OPHN1: variants seen among roughly 807,000 people sequenced by gnomAD.
OPHN1 encodes the protein oligophrenin-1.
A neutral mutation model predicts 60.7 loss-of-function variants in OPHN1; 11 were observed. The observed-to-expected ratio is 0.18, with a 90% CI of 0.11 to 0.30. The LOEUF (loss-of-function observed/expected upper bound fraction) is 0.30. OPHN1 is among the 10% of genes least tolerant of loss of function. OPHN1 has a pLI of 1.00. For missense variants in OPHN1, 449 were observed against 611.0 expected, an observed-to-expected ratio of 0.73 and a Z score of 2.80; for synonymous variants, 226 against 222.6, an observed-to-expected ratio of 1.02 and a Z score of -0.14.
chrX:68,145,788 C>T (rs1240041447), intron 15 of OPHN1, among the ~76,000 whole-genome samples: 3 of 112,096 alleles, frequency 2.7e-5, no homozygotes, highest in Non-Finnish European at 3.8e-5. Flanking sequence ...CCTTCTACAG[C>T]TCACTTTGTT....
chrX:68,045,579 C>T lies in OPHN1; in HGVS notation c.*1593G>A, dbSNP rs1337636755. On this transcript the variant is annotated 3_prime_UTR_variant, in exon 25 of 25. Coordinates refer to ENST00000355520, the MANE Select transcript of OPHN1 (RefSeq NM_002547.3). ...CAACATTATAATTATACAGACGCTACAGACAAGCTACGGCCCAGGCATCTG... is the reference window on the plus strand; with the variant it reads ...CAACATTATAATTATACAGACGCTATAGACAAGCTACGGCCCAGGCATCTG... 3 of 111,939 alleles carry T rather than the reference C, an allele frequency of 2.7e-5. No homozygotes were observed. Among genetic ancestry groups the T allele is most frequent in the Non-Finnish European group, 3.8e-5 (2 of 53,235 alleles). The allele number at this position is 111,939 out of a possible 1,213,427, so 9.2% of individuals were successfully genotyped here. A position where few individuals can be genotyped will look rare whatever the true frequency, so the allele number is the denominator to read the frequency against.
intron 2 of OPHN1, among the ~76,000 whole-genome samples, chrX:68,427,536 G>T (rs2078866049): frequency 9.2e-6 from 1 of 108,844 alleles, no homozygotes; most frequent in South Asian, 4.0e-4. Flanking sequence ...GGGTCCCAGT[G>T]AAATCGCTTA....
At chrX:68,313,361 T>C in intron 2 of OPHN1, among the ~76,000 whole-genome samples, 1 of 111,680 alleles carries the variant, frequency 9.0e-6, no homozygotes, top group Non-Finnish European at 1.9e-5. Flanking sequence ...CGAATAGATA[T>C]CTACACTCCC....
At chrX:68,200,212 A>G (rs2077529125) in intron 11 of OPHN1, among the ~76,000 whole-genome samples, 1 of 111,567 alleles carries the variant, frequency 9.0e-6, no homozygotes, top group African/African-American at 3.3e-5. Context: ...TAAATGAGGG[A>G]ATGTTTTGTA....
chrX:68,129,834 G>A (rs755892688), intron 15 of OPHN1, among the ~76,000 whole-genome samples: 16 of 112,244 alleles, frequency 1.4e-4, no homozygotes, highest in Non-Finnish European at 2.8e-4. Context: ...GGAAAAACAA[G>A]TGACTAACAG....
chrX:68,147,699 AATG>A (rs1361569185), intron 15 of OPHN1, among the ~76,000 whole-genome samples: 5 of 112,130 alleles, frequency 4.5e-5, no homozygotes, highest in Non-Finnish European at 9.4e-5. Context: ...TGTTACTATG[AATG>A]ATGATAATAA....
chrX:68,070,480 A>T lies in OPHN1; in HGVS notation c.1834+2672T>A, dbSNP rs2076929099. 5.1e-6 allele frequency: 3 copies of T among 585,979 alleles called. No individual in the cohort carries two copies. In the Admixed American group the frequency reaches 6.7e-5, roughly 13 times the overall value. The allele number at this position is 585,979 out of a possible 1,213,427, so 48.3% of individuals were successfully genotyped here. ...TGGAGATGCAGAAAATGCTAAGTTG[A>T]CTTAGGGGCTGTGCACAGGAACTAA... On this transcript the variant is annotated intron_variant, in intron 20 of 24. Coordinates refer to ENST00000355520, the MANE Select transcript of OPHN1 (RefSeq NM_002547.3).
intron 15 of OPHN1, among the ~76,000 whole-genome samples, chrX:68,191,868 G>T (rs1377734964): frequency 9.0e-6 from 1 of 111,190 alleles, no homozygotes; most frequent in Non-Finnish European, 1.9e-5. Context: ...CTTTATATCT[G>T]GCCCAACAAA....
At chrX:68,321,356 C>A (rs773400222) in intron 2 of OPHN1, among the ~76,000 whole-genome samples, 23 of 112,120 alleles carry the variant, frequency 2.1e-4, no homozygotes, top group African/African-American at 7.4e-4. Context: ...TTTGCAATAT[C>A]ACAAGTCCCT....
In OPHN1 at chrX:68,206,795, C is replaced by A. The variant is rs371160445; in HGVS notation, c.833-122G>T. The A allele has an allele frequency of 3.4e-4, 192 of 563,796 alleles. 5 individuals carry two copies. Among genetic ancestry groups the A allele is most frequent in the East Asian group, 3.2e-3 (94 of 29,288 alleles). 46.5% of individuals were successfully genotyped at this position (563,796 alleles called of 1,213,427 possible). A position where few individuals can be genotyped will look rare whatever the true frequency, so the allele number is the denominator to read the frequency against. ...AGTCAAACTTCAGATCCAGCCCTGC[C>A]CTTGCCCTGACCGCCCTCCTTCCAT... On this transcript the variant is annotated intron_variant, in intron 9 of 24. Transcript: ENST00000355520.
At chrX:68,320,952 G>T (rs2078232575) in intron 2 of OPHN1, among the ~76,000 whole-genome samples, 1 of 112,045 alleles carries the variant, frequency 8.9e-6, no homozygotes, top group South Asian at 3.7e-4. Flanking sequence ...ATAGAGCAAG[G>T]CATGTGGAAA....
At chrX:68,195,011 G>A (rs58436588) in intron 12 of OPHN1, among the ~76,000 whole-genome samples, 1,600 of 52,279 alleles carry the variant, frequency 0.031, 71 homozygotes, top group African/African-American at 0.17. Flanking sequence ...AGAAAGGAAG[G>A]AAGGAAGGAA....
chrX:68,312,083 A>G (rs1416988662), intron 2 of OPHN1, among the ~76,000 whole-genome samples: 4 of 104,199 alleles, frequency 3.8e-5, no homozygotes, highest in African/African-American at 1.4e-4. Context: ...ATTCACAAAC[A>G]CATGAAATTA....
At chrX:68,373,974 AAATAT>A (rs753367683) in intron 2 of OPHN1, among the ~76,000 whole-genome samples, 2 of 111,884 alleles carry the variant, frequency 1.8e-5, no homozygotes, top group Non-Finnish European at 3.8e-5. Context: ...TAACAAATCT[AAATAT>A]AAAACCTAAA....
intron 2 of OPHN1, among the ~76,000 whole-genome samples, chrX:68,317,379 G>GAAAGAAAGAAAGAAA (rs59731513): frequency 3.5e-5 from 2 of 57,603 alleles, no homozygotes; most frequent in Admixed American, 4.8e-4. Flanking sequence ...AAGAAAGAAA[G>GAAAGAAAGAAAGAAA]GAAGGAAGGA....
chrX:68,260,437 T>C (rs932982189), intron 5 of OPHN1, among the ~76,000 whole-genome samples: 12 of 110,633 alleles, frequency 1.1e-4, no homozygotes, highest in African/African-American at 3.0e-4. Context: ...TTTTTTAATC[T>C]TCTGATACGA....
chrX:68,308,104 C>G (rs1213521594), intron 2 of OPHN1, among the ~76,000 whole-genome samples: 1 of 112,085 alleles, frequency 8.9e-6, no homozygotes. Flanking sequence ...TGGAACAAAT[C>G]AGTTTCATGA....
At chrX:68,256,028 A>C (rs749911310) in intron 5 of OPHN1, among the ~76,000 whole-genome samples, 1 of 110,489 alleles carries the variant, frequency 9.1e-6, no homozygotes, top group Non-Finnish European at 1.9e-5. Flanking sequence ...GAGAAAGAGA[A>C]ACAGCTCTCT....
At chrX:68,387,776 G>C (rs2078632073) in intron 2 of OPHN1, among the ~76,000 whole-genome samples, 1 of 111,781 alleles carries the variant, frequency 8.9e-6, no homozygotes, top group Admixed American at 9.6e-5. Context: ...GAACTCATAG[G>C]AGGAGCAGAA....
Sources: allele counts gnomAD v4.1 joint callset (sites outside exome capture counted in the v4.1 genomes callset), GRCh38; gene constraint gnomAD v4.1.1; transcripts MANE v1.5; gene names NCBI Gene and HGNC (gene_info 2026-07-23, HGNC 2026-07-21).